DDX59: variants seen among roughly 807,000 people sequenced by gnomAD.
The protein encoded by DDX59 is probable ATP-dependent RNA helicase DDX59.
DDX59 carries 30 observed loss-of-function variants against 51.9 expected under a neutral mutation model. The observed-to-expected ratio is 0.58, with a 90% CI of 0.43 to 0.78. The LOEUF (loss-of-function observed/expected upper bound fraction) is 0.78, where lower values mean the gene tolerates loss of function less well. DDX59 is among the 30% of genes least tolerant of loss of function. The probability of loss-of-function intolerance (pLI) is 0.00; values close to 1 mark genes in which losing one functional copy is unlikely to be tolerated. For missense variants in DDX59, 672 were observed against 730.8 expected (o/e 0.92, Z 0.93); for synonymous variants, 255 against 253.3 (o/e 1.01, Z -0.06).
At chr1:200,659,467 G>A (rs1418800597) in intron 3 of DDX59, among the ~76,000 whole-genome samples, 2 of 152,188 alleles carry the variant, frequency 1.3e-5, no homozygotes, top group African/African-American at 4.8e-5. Flanking sequence ...GGAGGCCAGT[G>A]AAGTTTCTAA....
intron 4 of DDX59, among the ~76,000 whole-genome samples, chr1:200,651,499 TCACCAGA>T: frequency 6.6e-6 from 1 of 152,262 alleles, no homozygotes; most frequent in South Asian, 2.1e-4. Context: ...GAGCAGGCCC[TCACCAGA>T]CACTGAATCA....
At chr1:200,657,741 T>C (rs1571634902) in intron 4 of DDX59, among the ~76,000 whole-genome samples, 1 of 127,796 alleles carries the variant, frequency 7.8e-6, no homozygotes, top group African/African-American at 3.2e-5. Flanking sequence ...AGAGCAAGAC[T>C]CTGTCTCAAA....
intron 4 of DDX59, 23 bp downstream of exon 4, chr1:200,659,004 G>GT (rs759693336): frequency 6.4e-7 from 1 of 1,560,496 alleles, no homozygotes; most frequent in Non-Finnish European, 8.8e-7. Flanking sequence ...TCATGTAACT[G>GT]TTTTTTAAAT....
Position 200,650,402 on chromosome 1 carries a change from T to C in DDX59, c.1314+23A>G, listed in dbSNP as rs2809365. 1,591,566 of 1,597,408 alleles carry C rather than the reference T, an allele frequency of 1. 793,034 individuals are homozygous for C. The highest frequency in any genetic ancestry group is 1 in the East Asian group (44,449 of 44,450). ...AAATGCAAACACAATCCATAAAACA[T>C]AGTTAACTGCTTTACTACTCACATT... On this transcript the variant is annotated intron_variant, in intron 5 of 7. Coordinates refer to ENST00000331314, the MANE Select transcript of DDX59 (RefSeq NM_001031725.6).
downstream of DDX59, chr1:200,641,397 T>TA (rs5780032): frequency 4.3e-4 from 92 of 215,202 alleles, no homozygotes; most frequent in African/African-American, 1.2e-3. Flanking sequence ...CCAAAAAAAC[T>TA]AAAAAAAAAA....
intron 3 of DDX59, among the ~76,000 whole-genome samples, chr1:200,662,989 C>G (rs939313309): frequency 6.6e-6 from 1 of 152,212 alleles, no homozygotes; most frequent in Non-Finnish European, 1.5e-5. Context: ...CCTGTAATTT[C>G]TTAAAACAAC....
intron 7 of DDX59, among the ~76,000 whole-genome samples, chr1:200,646,308 C>T (rs189925459): frequency 1.3e-5 from 2 of 151,696 alleles, no homozygotes; most frequent in South Asian, 2.1e-4. Context: ...TACTCCAGCC[C>T]GGGCAACAGA....
At chr1:200,652,962 G>A (rs1195137092) in intron 4 of DDX59, among the ~76,000 whole-genome samples, 1 of 152,158 alleles carries the variant, frequency 6.6e-6, no homozygotes, top group African/African-American at 2.4e-5. Flanking sequence ...TGGGATTACA[G>A]GCGTGGGCCC....
chr1:200,641,250 T>A, downstream of DDX59: 1 of 1,303,000 alleles, frequency 7.7e-7, no homozygotes, highest in Non-Finnish European at 1.0e-6. Flanking sequence ...ACCCAAATAA[T>A]ATTCAGCTGC....
Position 200,649,229 on chromosome 1 carries a change from G to GA in DDX59, c.1315-4dup, listed in dbSNP as rs1390492395. 2 of 1,557,860 alleles carry GA rather than the reference G, an allele frequency of 1.3e-6. No individual in the cohort carries two copies. The highest frequency in any genetic ancestry group is 2.3e-5 in the East Asian group (1 of 42,746). ...GGAGGCTTAAAGAGTTTCTTATCCT[G>GA]AAAAATTAAAAACATATATCAAAAA... On this transcript the variant is annotated splice_polypyrimidine_tract_variant and splice_region_variant and intron_variant, in intron 5 of 7. Transcript: ENST00000331314.
downstream of DDX59, among the ~76,000 whole-genome samples, chr1:200,642,273 T>C (rs1183956548): frequency 8.5e-5 from 13 of 152,164 alleles, no homozygotes; most frequent in East Asian, 1.9e-4. Flanking sequence ...TTAAACTGTA[T>C]GGTAATTCTC....
Position 200,659,136 on chromosome 1 carries a change from C to A in DDX59, c.973-20G>T. ...GATAACCTAAATAAAAGAGAAAAAGCAAATTAAAAAAATCAGTAATAGCTA... is the reference window on the plus strand; with the variant it reads ...GATAACCTAAATAAAAGAGAAAAAGAAAATTAAAAAAATCAGTAATAGCTA... On this transcript the variant is annotated intron_variant, in intron 3 of 7. Coordinates refer to ENST00000331314, the MANE Select transcript of DDX59 (RefSeq NM_001031725.6). 6.3e-7 allele frequency: 1 copy of A among 1,580,816 alleles called. No individual in the cohort carries two copies. Among genetic ancestry groups the A allele is most frequent in the Non-Finnish European group, 8.7e-7 (1 of 1,154,622 alleles).
intron 1 of DDX59, among the ~76,000 whole-genome samples, chr1:200,669,126 A>C (rs372080892): frequency 1.3e-5 from 2 of 152,196 alleles, no homozygotes; most frequent in South Asian, 4.1e-4. Context: ...TCTTTTCATC[A>C]ACCCATATCT....
chr1:200,654,874 T>C (rs1412578908), intron 4 of DDX59: 6 of 152,254 alleles, frequency 3.9e-5, no homozygotes, highest in Admixed American at 6.5e-5. Context: ...ATATTATTCA[T>C]TCTCAGTTCC....
rs149729432 is a variant in DDX59 at position 200,644,634 on chromosome 1, G to A, written c.1597-117C>T. ...TTACTGGCTGGGTGCAGTGGCTCAC[G>A]CCTGTAACCCCAGCACTTTGGGAGC... On this transcript the variant is annotated intron_variant, in intron 7 of 7. Transcript: ENST00000331314. The A allele has an allele frequency of 1.6e-3, 2,012 of 1,260,392 alleles. 35 individuals carry two copies. In the East Asian group the frequency reaches 0.04, roughly 25 times the overall value. The allele number at this position is 1,260,392 out of a possible 1,614,324, so 78.1% of individuals were successfully genotyped here. A position where few individuals can be genotyped will look rare whatever the true frequency, so the allele number is the denominator to read the frequency against.
At chr1:200,663,196 G>A (rs771286172) in intron 3 of DDX59, among the ~76,000 whole-genome samples, 20 of 152,088 alleles carry the variant, frequency 1.3e-4, no homozygotes, top group African/African-American at 2.7e-4. Context: ...CGCCAGGGCC[G>A]CCCTACCACC....
chr1:200,662,302 T>C (rs1662426100), intron 3 of DDX59, among the ~76,000 whole-genome samples: 1 of 152,192 alleles, frequency 6.6e-6, no homozygotes, highest in Non-Finnish European at 1.5e-5. Context: ...TGATAGGGCA[T>C]CAAGTCAGCA....
intron 4 of DDX59, among the ~76,000 whole-genome samples, chr1:200,655,989 C>A (rs1053781066): frequency 7.2e-5 from 11 of 152,298 alleles, no homozygotes; most frequent in Admixed American, 2.6e-4. Flanking sequence ...CGCCACCACG[C>A]CCAGCTAATT....
chr1:200,653,226 T>C (rs1483583289), intron 4 of DDX59, among the ~76,000 whole-genome samples: 2 of 152,206 alleles, frequency 1.3e-5, no homozygotes. Context: ...TGGTAGAAAC[T>C]ATCTGCCGAC....
Sources: allele counts gnomAD v4.1 joint callset (sites outside exome capture counted in the v4.1 genomes callset), GRCh38; gene constraint gnomAD v4.1.1; transcripts MANE v1.5; gene names NCBI Gene and HGNC (gene_info 2026-07-23, HGNC 2026-07-21).